Variants in MDGA2 observed in about 807,000 individuals in gnomAD.
MDGA2 encodes MAM domain-containing glycosylphosphatidylinositol anchor protein 2.
In MDGA2, 40 loss-of-function variants were observed where a neutral mutation model predicts 117.8. The ratio of observed to expected loss-of-function variants is 0.34; its 90% confidence interval spans 0.26 to 0.44. MDGA2 has a LOEUF of 0.44. Among genes scored for constraint, MDGA2 ranks in the 20% least tolerant of loss-of-function variants. MDGA2 has a pLI of 1.00. For synonymous variants in MDGA2, 452 were observed against 439.0 expected, an observed-to-expected ratio of 1.03 and a Z score of -0.37; for missense variants, 1,123 against 1,250.6, an observed-to-expected ratio of 0.90 and a Z score of 1.54.
intron 6 of MDGA2, among the ~76,000 whole-genome samples, chr14:47,086,749 T>C (rs1890917418): frequency 6.6e-6 from 1 of 152,150 alleles, no homozygotes; most frequent in East Asian, 1.9e-4. Flanking sequence ...AATATGTAGA[T>C]ACTCTCATTT....
intron 14 of MDGA2, among the ~76,000 whole-genome samples, chr14:46,866,946 A>G (rs1478460343): frequency 6.6e-6 from 1 of 152,120 alleles, no homozygotes; most frequent in East Asian, 1.9e-4. Context: ...TGTTGGTGGG[A>G]CTGTAAACTA....
chr14:47,301,071 C>G (rs1889262577), intron 2 of MDGA2, among the ~76,000 whole-genome samples: 1 of 152,100 alleles, frequency 6.6e-6, no homozygotes, highest in Non-Finnish European at 1.5e-5. Context: ...AAAATAAACT[C>G]ATTGCCATAT....
intron 2 of MDGA2, among the ~76,000 whole-genome samples, chr14:47,282,755 C>T (rs1331091970): frequency 6.6e-6 from 1 of 150,546 alleles, no homozygotes; most frequent in Non-Finnish European, 1.5e-5. Context: ...TACAACCTGT[C>T]ATCTTTTTAA....
At chr14:47,282,926 C>T (rs902373522) in intron 2 of MDGA2, among the ~76,000 whole-genome samples, 1 of 151,706 alleles carries the variant, frequency 6.6e-6, no homozygotes, top group Admixed American at 6.6e-5. Flanking sequence ...CCAGCCTGAG[C>T]GACAGAGAAA....
At chr14:47,378,127 A>G (rs1891523519) in intron 1 of MDGA2, among the ~76,000 whole-genome samples, 1 of 152,204 alleles carries the variant, frequency 6.6e-6, no homozygotes. Context: ...GCAAACTCCA[A>G]CAGACCTGCA....
intron 8 of MDGA2, among the ~76,000 whole-genome samples, chr14:47,023,677 T>C (rs1042316379): frequency 6.6e-5 from 10 of 152,112 alleles, no homozygotes; most frequent in Non-Finnish European, 1.3e-4. Flanking sequence ...ATCTTTTTGG[T>C]GAAACAGGGA....
Position 47,308,748 on chromosome 14 carries a change from T to C in MDGA2, c.281-7198A>G, listed in dbSNP as rs537442316. Among the ~76,000 whole-genome samples the C allele has an allele frequency of 9.2e-5, 14 of 152,152 alleles. No homozygotes were observed. The South Asian group carries it at 2.9e-3, about 32-fold the overall frequency. On this transcript the variant is annotated intron_variant, in intron 1 of 16. Transcript: ENST00000399232. ...TGTCTTTCCTTTACTGTCTAGTGAT[T>C]AGAAATAATGATAACACATTCACAG...
intron 1 of MDGA2, among the ~76,000 whole-genome samples, chr14:47,308,824 G>A (rs1383545936): frequency 1.3e-5 from 2 of 152,068 alleles, no homozygotes; most frequent in Non-Finnish European, 2.9e-5. Context: ...GTCTGGCTCT[G>A]CCTATCATTT....
intron 1 of MDGA2, among the ~76,000 whole-genome samples, chr14:47,394,280 C>A (rs1178784452): frequency 6.6e-6 from 1 of 152,052 alleles, no homozygotes; most frequent in Non-Finnish European, 1.5e-5. Context: ...TGAGGTTTTG[C>A]ATAAACAACT....
chr14:47,560,289 T>A (rs1011741352), intron 1 of MDGA2, among the ~76,000 whole-genome samples: 4 of 151,952 alleles, frequency 2.6e-5, no homozygotes, highest in Non-Finnish European at 5.9e-5. Context: ...GCCAGGATGG[T>A]CTCGACCTCC....
At chr14:47,244,056 T>A (rs981061951) in intron 2 of MDGA2, among the ~76,000 whole-genome samples, 2 of 151,796 alleles carry the variant, frequency 1.3e-5, no homozygotes, top group Non-Finnish European at 2.9e-5. Flanking sequence ...GGCTTGATAA[T>A]TGCTTCTTTA....
At chr14:47,582,942 T>G (rs1345559823) in intron 1 of MDGA2, among the ~76,000 whole-genome samples, 3 of 151,908 alleles carry the variant, frequency 2.0e-5, no homozygotes, top group African/African-American at 7.2e-5. Flanking sequence ...TGAGCAAATG[T>G]ACATCTTATC....
intron 1 of MDGA2, among the ~76,000 whole-genome samples, chr14:47,478,246 G>A (rs1893883542): frequency 6.6e-6 from 1 of 152,140 alleles, no homozygotes; most frequent in African/African-American, 2.4e-5. Flanking sequence ...TTACTTGAAG[G>A]AGACATATTT....
intron 7 of MDGA2, among the ~76,000 whole-genome samples, chr14:47,036,560 A>G (rs1954249): frequency 0.86 from 130,154 of 152,164 alleles, 55,768 homozygotes; most frequent in East Asian, 0.97. Flanking sequence ...TCAAAAAAGC[A>G]CAAGCTAAAT....
At chr14:46,904,484 G>T (rs959063153) in intron 10 of MDGA2, among the ~76,000 whole-genome samples, 1 of 152,044 alleles carries the variant, frequency 6.6e-6, no homozygotes, top group Non-Finnish European at 1.5e-5. Flanking sequence ...AGTCAAAATT[G>T]GGTCGAATCT....
chr14:47,654,024 T>G (rs917663121), intron 1 of MDGA2, among the ~76,000 whole-genome samples: 6 of 152,170 alleles, frequency 3.9e-5, no homozygotes, highest in African/African-American at 1.4e-4. Context: ...ACTAAGTTTG[T>G]GGTAATTTGT....
chr14:47,445,047 G>T (rs1414803446), intron 1 of MDGA2, among the ~76,000 whole-genome samples: 1 of 152,148 alleles, frequency 6.6e-6, no homozygotes, highest in Non-Finnish European at 1.5e-5. Context: ...GACTCTGTAG[G>T]ATATGCATGG....
At chr14:47,141,096 T>C (rs1882697189) in intron 4 of MDGA2, among the ~76,000 whole-genome samples, 1 of 152,156 alleles carries the variant, frequency 6.6e-6, no homozygotes, top group Non-Finnish European at 1.5e-5. Context: ...CACAGTGAGC[T>C]ATCACCTCCC....
chr14:46,947,138 T>TA (rs947546779), intron 9 of MDGA2, among the ~76,000 whole-genome samples: 1 of 152,142 alleles, frequency 6.6e-6, no homozygotes, highest in South Asian at 2.1e-4. Flanking sequence ...CTTTGTAAGA[T>TA]AAACTTTTAG....
Sources: gnomAD v4.1 joint callset for allele counts (sites outside exome capture counted in the v4.1 genomes callset) on GRCh38, gnomAD v4.1.1 for gene constraint, MANE v1.5 for transcripts, NCBI Gene and HGNC (gene_info 2026-07-23, HGNC 2026-07-21) for gene names.